The following THSD7B variants were observed in gnomAD, a reference collection of about 807,000 sequenced individuals.
The protein encoded by THSD7B is thrombospondin type 1 domain containing 7B.
Under a neutral mutation model 213.6 loss-of-function variants are expected in THSD7B, and 138 were observed. That is an observed-to-expected ratio of 0.65 (90% CI 0.56 to 0.74). The LOEUF is 0.74. Ranked by LOEUF, THSD7B falls within the 30% of genes least tolerant of loss-of-function variation. The pLI is 0.00. For synonymous variants in THSD7B, 742 were observed against 687.0 expected, an observed-to-expected ratio of 1.08 and a Z score of -1.25; for missense variants, 1,931 against 1,991.5, an observed-to-expected ratio of 0.97 and a Z score of 0.58.
At chr2:137,198,181 T>C (rs946845394) in intron 7 of THSD7B, among the ~76,000 whole-genome samples, 1 of 152,156 alleles carries the variant, frequency 6.6e-6, no homozygotes, top group African/African-American at 2.4e-5. Flanking sequence ...TCTTCAGAGA[T>C]GTTTTGAGTC....
rs185282373 is a variant in THSD7B at position 137,296,759 on chromosome 2, G to A, written c.2500+20733G>A. Among the ~76,000 whole-genome samples, 578 of 152,102 alleles carry A rather than the reference G, an allele frequency of 3.8e-3. 6 individuals are homozygous for A. Among genetic ancestry groups the A allele is most frequent in the Non-Finnish European group, 3.3e-3 (222 of 68,004 alleles). On this transcript the variant is annotated intron_variant, in intron 12 of 27. Coordinates refer to ENST00000409968, the MANE Select transcript of THSD7B (RefSeq NM_001316349.2). ...GAAAACAACAACTACACAGAGGAAGGAACAGTAGGGTACAGCTCCTCTCAC... is the reference window on the plus strand; with the variant it reads ...GAAAACAACAACTACACAGAGGAAGAAACAGTAGGGTACAGCTCCTCTCAC...
chr2:136,899,518 G>A (rs1395686365), intron 2 of THSD7B, among the ~76,000 whole-genome samples: 2 of 152,158 alleles, frequency 1.3e-5, no homozygotes, highest in Admixed American at 1.3e-4. Context: ...AGTTTCCAGT[G>A]AAGCACAGCT....
At chr2:137,314,505 C>G (rs1452758094) in intron 12 of THSD7B, among the ~76,000 whole-genome samples, 1 of 152,208 alleles carries the variant, frequency 6.6e-6, no homozygotes, top group African/African-American at 2.4e-5. Flanking sequence ...CTTCTCTCAC[C>G]TCGTCAAAGT....
chr2:137,187,055 G>A (rs1680565095), intron 7 of THSD7B, among the ~76,000 whole-genome samples: 1 of 152,026 alleles, frequency 6.6e-6, no homozygotes, highest in Admixed American at 6.5e-5. Flanking sequence ...AAATCCAAGT[G>A]GCTTATGTGA....
At chr2:137,294,066 G>A (rs1413964540) in intron 12 of THSD7B, among the ~76,000 whole-genome samples, 8 of 151,988 alleles carry the variant, frequency 5.3e-5, no homozygotes, top group Admixed American at 5.2e-4. Context: ...TCTTCACAGG[G>A]CTTTCAATAA....
At chr2:136,957,690 G>C (rs1397645303) in intron 2 of THSD7B, among the ~76,000 whole-genome samples, 1 of 152,066 alleles carries the variant, frequency 6.6e-6, no homozygotes, top group Admixed American at 6.5e-5. Flanking sequence ...ATTATATTTT[G>C]TCACATTGTG....
chr2:137,594,322 T>A (rs1681917867), intron 17 of THSD7B, among the ~76,000 whole-genome samples: 1 of 151,962 alleles, frequency 6.6e-6, no homozygotes, highest in Non-Finnish European at 1.5e-5. Context: ...GGTAAGATAA[T>A]CCATGGACAA....
chr2:137,308,015 C>T (rs978642038), intron 12 of THSD7B, among the ~76,000 whole-genome samples: 38 of 151,964 alleles, frequency 2.5e-4, no homozygotes, highest in African/African-American at 9.2e-4. Flanking sequence ...CATGCGAGTC[C>T]TTTATCAATC....
chr2:136,892,498 C>T (rs922383769), intron 2 of THSD7B, among the ~76,000 whole-genome samples: 15 of 150,032 alleles, frequency 1.0e-4, no homozygotes, highest in African/African-American at 3.2e-4. Context: ...CTACTACCTA[C>T]GCTGGACTAC....
At chr2:137,642,749 T>C (rs1682963608) in intron 21 of THSD7B, 116 bp downstream of exon 21, 2 of 1,229,892 alleles carry the variant, frequency 1.6e-6, no homozygotes, top group East Asian at 2.5e-5. Context: ...TGGCACAATG[T>C]ATTTTTAATG....
At chr2:137,331,849 G>A (rs193186620) in intron 12 of THSD7B, among the ~76,000 whole-genome samples, 6,084 of 152,232 alleles carry the variant, frequency 0.04, 393 homozygotes, top group African/African-American at 0.14. Flanking sequence ...CCGCTGGCCC[G>A]GGTGCTAAGC....
At chr2:137,467,036 T>TC (rs1688007811) in intron 15 of THSD7B, among the ~76,000 whole-genome samples, 1 of 151,944 alleles carries the variant, frequency 6.6e-6, no homozygotes, top group South Asian at 2.1e-4. Context: ...CCTCCCCAGC[T>TC]CCCCCAGAAG....
At chr2:137,050,262 T>C (rs1687044486) in intron 2 of THSD7B, among the ~76,000 whole-genome samples, 1 of 152,196 alleles carries the variant, frequency 6.6e-6, no homozygotes, top group South Asian at 2.1e-4. Context: ...CCAGAAATAT[T>C]GATAAACAAT....
At chr2:136,948,635 A>G (rs1026202733) in intron 2 of THSD7B, among the ~76,000 whole-genome samples, 3 of 152,196 alleles carry the variant, frequency 2.0e-5, no homozygotes, top group African/African-American at 7.2e-5. Flanking sequence ...CATATGTAAG[A>G]TATGTGTATA....
At chr2:137,205,305 CAGAGGAACTCCAG>C (rs1680962570) in intron 7 of THSD7B, among the ~76,000 whole-genome samples, 1 of 151,974 alleles carries the variant, frequency 6.6e-6, no homozygotes, top group Non-Finnish European at 1.5e-5. Context: ...TCTGTGGTCC[CAGAGGAACTCCAG>C]AGAATCCCAA....
At chr2:137,297,868 C>T (rs1033232468) in intron 12 of THSD7B, among the ~76,000 whole-genome samples, 1 of 152,160 alleles carries the variant, frequency 6.6e-6, no homozygotes, top group Admixed American at 6.5e-5. Flanking sequence ...AACTGTAAGT[C>T]CAATTAAACC....
In THSD7B at chr2:136,805,262, T is replaced by A. The variant is rs535015830; in HGVS notation, c.-36+39575T>A. On this transcript the variant is annotated intron_variant, in intron 1 of 27. Coordinates refer to ENST00000409968, the MANE Select transcript of THSD7B (RefSeq NM_001316349.2). ...TTCAGCCCCCTTCAACCGATAAAAC[T>A]TCTGTTGGAGTAGCCACCTGTGTTT... Among the ~76,000 whole-genome samples, 8 of 152,294 alleles carry A rather than the reference T, an allele frequency of 5.3e-5. No homozygotes were observed. In the South Asian group the frequency reaches 1.7e-3, roughly 32 times the overall value.
chr2:137,132,240 G>T (rs560866392), intron 5 of THSD7B, among the ~76,000 whole-genome samples: 1 of 151,366 alleles, frequency 6.6e-6, no homozygotes, highest in Admixed American at 6.6e-5. Flanking sequence ...TGTTTCCTGA[G>T]ACTTTGCTGA....
chr2:137,197,501 G>T (rs894045530), intron 7 of THSD7B, among the ~76,000 whole-genome samples: 1 of 151,980 alleles, frequency 6.6e-6, no homozygotes, highest in African/African-American at 2.4e-5. Flanking sequence ...AAGATATGTC[G>T]ATTACAATTT....
Sources: allele counts gnomAD v4.1 joint callset (sites outside exome capture counted in the v4.1 genomes callset), GRCh38; gene constraint gnomAD v4.1.1; transcripts MANE v1.5; gene names NCBI Gene and HGNC (gene_info 2026-07-23, HGNC 2026-07-21).